ATF7IP: variants seen among roughly 807,000 people sequenced by gnomAD.
ATF7IP encodes activating transcription factor 7-interacting protein 1.
In ATF7IP, 23 loss-of-function variants were observed where a neutral mutation model predicts 106.4. The observed-to-expected ratio is 0.22, with a 90% confidence interval of 0.16 to 0.31. The LOEUF is 0.31. Among genes scored for constraint, ATF7IP ranks in the 10% least tolerant of loss-of-function variants. The pLI, the probability that ATF7IP is intolerant of heterozygous loss-of-function variation, is 1.00. For synonymous variants in ATF7IP, 542 were observed against 539.0 expected, an observed-to-expected ratio of 1.01 and a Z score of -0.08; for missense variants, 1,334 against 1,524.3, an observed-to-expected ratio of 0.88 and a Z score of 2.08.
At chr12:14,429,373 T>A (rs1256443874) in intron 2 of ATF7IP, among the ~76,000 whole-genome samples, 1 of 152,184 alleles carries the variant, frequency 6.6e-6, no homozygotes, top group Non-Finnish European at 1.5e-5. Flanking sequence ...TTCTATTTCT[T>A]GTGGAAAAAT....
chr12:14,381,867 G>GTTTTTTTTTTTTT (rs55929147), intron 1 of ATF7IP, among the ~76,000 whole-genome samples: 1 of 148,370 alleles, frequency 6.7e-6, no homozygotes. Context: ...ATTAATTCTA[G>GTTTTTTTTTTTTT]TTTTTTTTTT....
rs1018608444 is a variant in ATF7IP, at chr12:14,425,414, A to T, written c.1499A>T (p.Asp500Val). The T allele has an allele frequency of 6.2e-7, 1 of 1,600,058 alleles. No homozygotes were observed. The highest frequency in any genetic ancestry group is 2.2e-5 in the East Asian group (1 of 44,690). ...EAFLVLSDEE[D>V]ISGEKDESEV... ...TTTCTGGTCCTCTCTGATGAAGAGG[A>T]TATTTCGGGTGAAAAAGATGAGTCT... Residue 500 changes from aspartate (D) to valine (V), a missense_variant, in exon 2 of 15, where the codon GAT (aspartate) becomes GTT (valine). Physicochemically the swap from Asp to Val is radical, Grantham distance 152 (BLOSUM62 -3). Around this residue, in one of 10 missense-constraint regions of ATF7IP, gnomAD observed 119 missense variants for 117.8 expected, o/e 1.01. Coordinates refer to ENST00000261168, the MANE Select transcript of ATF7IP (RefSeq NM_018179.5).
intron 1 of ATF7IP, among the ~76,000 whole-genome samples, chr12:14,390,066 C>T (rs1374573199): frequency 6.6e-6 from 1 of 152,208 alleles, no homozygotes; most frequent in Non-Finnish European, 1.5e-5. Flanking sequence ...TCAGATAGGG[C>T]CTTCTCTTGC....
intron 1 of ATF7IP, chr12:14,417,001 T>A: frequency 1.1e-6 from 1 of 933,550 alleles, no homozygotes. Flanking sequence ...GAAATGAGGT[T>A]TATTTTTAAA....
Position 14,379,027 on chromosome 12 carries a change from T to C in ATF7IP, c.-8+13200T>C, listed in dbSNP as rs185024020. On this transcript the variant is annotated intron_variant, in intron 1 of 14. Transcript: ENST00000261168. The stretch of plus-strand genomic sequence containing the variant: ...GTCATCCTTAGAATTTTGTACACCA[T>C]TGATATAGTTTGGATTTGTATCCCC... Among the ~76,000 whole-genome samples, 5 of 152,336 alleles carry C rather than the reference T, an allele frequency of 3.3e-5. No homozygotes were observed. The East Asian group carries it at 5.8e-4, about 18-fold the overall frequency.
intron 10 of ATF7IP, among the ~76,000 whole-genome samples, chr12:14,474,725 C>T (rs989643105): frequency 7.9e-5 from 12 of 152,084 alleles, no homozygotes; most frequent in East Asian, 1.9e-4. Context: ...TAGCTACTTT[C>T]GAGTCTTTAT....
chr12:14,422,466 C>T (rs1941587368), intron 1 of ATF7IP, among the ~76,000 whole-genome samples: 1 of 152,090 alleles, frequency 6.6e-6, no homozygotes, highest in African/African-American at 2.4e-5. Context: ...AGTATATTCA[C>T]AGAGCTGTAT....
chr12:14,446,320 G>A (rs1303206818), intron 5 of ATF7IP, among the ~76,000 whole-genome samples: 1 of 151,936 alleles, frequency 6.6e-6, no homozygotes, highest in Admixed American at 6.6e-5. Flanking sequence ...GCTAATTTTT[G>A]TATTTTTAGT....
rs922516495 is a variant in ATF7IP, at chr12:14,392,313, G to A, written c.-8+26486G>A. 2.0e-5 allele frequency among the ~76,000 whole-genome samples: 3 copies of A among 151,890 alleles called. No homozygotes were observed. The South Asian group carries it at 6.2e-4, about 31-fold the overall frequency. ...CTGGTCTACTGGGTAGTTTAGAAAA[G>A]GATCTTTAGGGAGAGGGCGTATTTA... On this transcript the variant is annotated intron_variant, in intron 1 of 14. Coordinates refer to ENST00000261168, the MANE Select transcript of ATF7IP (RefSeq NM_018179.5).
At chr12:14,418,066 T>A (rs1941293979) in intron 1 of ATF7IP, among the ~76,000 whole-genome samples, 1 of 152,088 alleles carries the variant, frequency 6.6e-6, no homozygotes. Flanking sequence ...AAGAGAGTAA[T>A]GTTTTCATTT....
At chr12:14,484,836 C>G (rs901712833) in intron 13 of ATF7IP, among the ~76,000 whole-genome samples, 16 of 152,272 alleles carry the variant, frequency 1.1e-4, no homozygotes, top group African/African-American at 3.8e-4. Context: ...TGATGGAATG[C>G]TGCTGTGCAT....
At chr12:14,385,622 C>T (rs1939195889) in intron 1 of ATF7IP, among the ~76,000 whole-genome samples, 4 of 152,028 alleles carry the variant, frequency 2.6e-5, no homozygotes, top group African/African-American at 9.7e-5. Flanking sequence ...TCTGTCATTG[C>T]CAGAACATTT....
At chr12:14,496,168 GT>G in intron 13 of ATF7IP, 62 bp from the exon 14 acceptor site, 1 of 1,086,576 alleles carries the variant, frequency 9.2e-7, no homozygotes, top group Non-Finnish European at 1.4e-6. Context: ...TATTTAATCA[GT>G]TTTCCACCAA....
chr12:14,473,909 A>G (rs1287184982), intron 10 of ATF7IP, among the ~76,000 whole-genome samples: 1 of 151,580 alleles, frequency 6.6e-6, no homozygotes, highest in Non-Finnish European at 1.5e-5. Flanking sequence ...TTGCTCCTGT[A>G]TAACGTATAA....
In ATF7IP at chr12:14,493,592, C is replaced by T. The variant is rs143953850; in HGVS notation, c.3281-2639C>T. Among the ~76,000 whole-genome samples, 4 of 152,118 alleles carry T rather than the reference C, an allele frequency of 2.6e-5. No homozygotes were observed. The East Asian group carries it at 7.7e-4, about 29-fold the overall frequency. On this transcript the variant is annotated intron_variant, in intron 13 of 14. Transcript: ENST00000261168. ...GGGATGGGGAAGCTGTTCTTTCTGG[C>T]AAAAAAGCTTCATCAGAATTTACAA...
chr12:14,373,259 G>A (rs1292376805), intron 1 of ATF7IP, among the ~76,000 whole-genome samples: 1 of 152,128 alleles, frequency 6.6e-6, no homozygotes, highest in Non-Finnish European at 1.5e-5. Context: ...TAAAAACTAA[G>A]CTGCCACAGT....
intron 13 of ATF7IP, among the ~76,000 whole-genome samples, chr12:14,495,948 C>T (rs1944998413): frequency 6.6e-6 from 1 of 152,084 alleles, no homozygotes; most frequent in South Asian, 2.1e-4. Context: ...GTGTTTTTCT[C>T]TTTATTTTCT....
chr12:14,395,763 A>G (rs1487229779), intron 1 of ATF7IP, among the ~76,000 whole-genome samples: 2 of 152,090 alleles, frequency 1.3e-5, no homozygotes, highest in Non-Finnish European at 2.9e-5. Context: ...TTATACATAT[A>G]ACTTGGTCAA....
chr12:14,449,022 G>A (rs536772676), intron 6 of ATF7IP, among the ~76,000 whole-genome samples: 17 of 152,042 alleles, frequency 1.1e-4, no homozygotes, highest in Non-Finnish European at 2.1e-4. Context: ...TTGTTACTAA[G>A]TTGTAGGCAT....
Sources: gnomAD v4.1 joint callset for allele counts (sites outside exome capture counted in the v4.1 genomes callset) on GRCh38, gnomAD v4.1.1 for gene constraint, gnomAD v4.1.1 regional missense constraint, MANE v1.5 for transcripts, NCBI Gene and HGNC (gene_info 2026-07-23, HGNC 2026-07-21) for gene names.